Variants in METTL4 observed in about 807,000 individuals in gnomAD.
METTL4 encodes N(6)-adenine-specific methyltransferase METTL4.
Under a neutral mutation model 54.0 loss-of-function variants are expected in METTL4, and 40 were observed. The observed-to-expected ratio is 0.74, with a 90% CI of 0.58 to 0.96. The LOEUF is 0.96. Ranked by LOEUF, METTL4 falls within the 50% of genes least tolerant of loss-of-function variation. The pLI, the probability that METTL4 is intolerant of heterozygous loss-of-function variation, is 0.00. For missense variants in METTL4, 525 were observed against 549.0 expected (o/e 0.96, Z 0.44); for synonymous variants, 169 against 183.8 (o/e 0.92, Z 0.65).
At chr18:2,561,882 T>C (rs1311811880) in intron 3 of METTL4, 3 of 152,202 alleles carry the variant, frequency 2.0e-5, no homozygotes, top group Non-Finnish European at 4.4e-5. Flanking sequence ...ATTTTCCTGG[T>C]ATTTCTGCAG....
chr18:2,569,033 G>T, intron 1 of METTL4: 1 of 182,820 alleles, frequency 5.5e-6, no homozygotes, highest in South Asian at 1.2e-4. Flanking sequence ...TAGCATCAAA[G>T]TTGTCTTGGA....
intron 4 of METTL4, 86 bp downstream of exon 4, chr18:2,554,583 C>T (rs966635087): frequency 8.2e-7 from 1 of 1,215,896 alleles, no homozygotes; most frequent in African/African-American, 1.5e-5. Flanking sequence ...AAATGCTGAC[C>T]CATCTTCAAA....
rs567251949 is a variant in METTL4, at chr18:2,563,508, T to C, written c.459+289A>G. Reference sequence around the variant, plus strand: ...ACTCAGAGGAGGCCAAGGCATGAGATTGCTTGAACCCAGGAGGCAGAGGCT... The same window carrying C: ...ACTCAGAGGAGGCCAAGGCATGAGACTGCTTGAACCCAGGAGGCAGAGGCT... On this transcript the variant is annotated intron_variant, in intron 3 of 8. Coordinates refer to ENST00000574538, the MANE Select transcript of METTL4 (RefSeq NM_022840.5). 1.1e-3 allele frequency among the ~76,000 whole-genome samples: 163 copies of C among 150,196 alleles called. 1 individual carries two copies. Among genetic ancestry groups the C allele is most frequent in the Non-Finnish European group, 1.8e-3 (123 of 67,712 alleles).
chr18:2,544,404 A>G, intron 7 of METTL4, 118 bp from the exon 8 acceptor site: 2 of 725,294 alleles, frequency 2.8e-6, no homozygotes, highest in East Asian at 2.8e-5. Context: ...AAATTTTACA[A>G]TCAATGAAAG....
At chr18:2,542,079 G>A (rs72857010) in intron 8 of METTL4, among the ~76,000 whole-genome samples, 1 of 152,086 alleles carries the variant, frequency 6.6e-6, no homozygotes, top group Non-Finnish European at 1.5e-5. Context: ...GTTTCCTCCA[G>A]AATCTAACTT....
intron 5 of METTL4, among the ~76,000 whole-genome samples, chr18:2,551,974 C>G (rs1310654736): frequency 1.3e-5 from 2 of 152,102 alleles, no homozygotes; most frequent in East Asian, 3.9e-4. Context: ...GCAGACAGAT[C>G]ATGAGGTCAG....
At chr18:2,551,046 C>A (rs1272383077) in intron 5 of METTL4, among the ~76,000 whole-genome samples, 1 of 151,012 alleles carries the variant, frequency 6.6e-6, no homozygotes, top group Non-Finnish European at 1.5e-5. Flanking sequence ...CGCCTGTAGT[C>A]CCAGCTACTC....
At chr18:2,564,484 T>A (rs540434302) in intron 2 of METTL4, among the ~76,000 whole-genome samples, 1 of 152,244 alleles carries the variant, frequency 6.6e-6, no homozygotes, top group Admixed American at 6.5e-5. Flanking sequence ...CCTTTATTTC[T>A]GAGAAGAGAA....
At chr18:2,553,324 A>G (rs540963078) in intron 4 of METTL4, 1 of 152,280 alleles carries the variant, frequency 6.6e-6, no homozygotes, top group Admixed American at 6.5e-5. Context: ...AAAGGCTACC[A>G]ATTATTTTAT....
chr18:2,556,303 GA>G (rs34077307), intron 3 of METTL4, among the ~76,000 whole-genome samples: 15,497 of 147,050 alleles, frequency 0.11, 1,085 homozygotes, highest in Non-Finnish European at 0.14. Context: ...CGGCAATTGG[GA>G]AAAAAAAAAA....
Position 2,553,024 on chromosome 18 carries a change from A to G in METTL4, c.830-260T>C, listed in dbSNP as rs1413619027. ...TATCTGCAGATGACTACAGCTCAGT[A>G]AGCTGAACACTAATGATCTGTGAAT... On this transcript the variant is annotated intron_variant, in intron 4 of 8. Coordinates refer to ENST00000574538, the MANE Select transcript of METTL4 (RefSeq NM_022840.5). 3.1e-5 allele frequency: 11 copies of G among 353,830 alleles called. No individual in the cohort carries two copies. In the East Asian group the frequency reaches 6.0e-4, roughly 19 times the overall value. 21.9% of individuals were successfully genotyped at this position (353,830 alleles called of 1,614,324 possible). A position where few individuals can be genotyped will look rare whatever the true frequency, so the allele number is the denominator to read the frequency against.
At chr18:2,564,503 G>C (rs2072373408) in intron 2 of METTL4, among the ~76,000 whole-genome samples, 1 of 150,802 alleles carries the variant, frequency 6.6e-6, no homozygotes. Flanking sequence ...AAACTAGCCA[G>C]GTGCTATCAT....
chr18:2,560,941 T>G (rs2072308146), intron 3 of METTL4, among the ~76,000 whole-genome samples: 1 of 152,084 alleles, frequency 6.6e-6, no homozygotes, highest in Non-Finnish European at 1.5e-5. Flanking sequence ...GAATATATTC[T>G]GCAAATGCAA....
intron 2 of METTL4, among the ~76,000 whole-genome samples, chr18:2,564,982 A>C (rs2072381880): frequency 6.6e-6 from 1 of 152,168 alleles, no homozygotes; most frequent in Admixed American, 6.5e-5. Context: ...ATGATCAATA[A>C]ATATTTGATG....
intron 1 of METTL4, among the ~76,000 whole-genome samples, 165 bp from the exon 2 acceptor site, chr18:2,567,819 A>G (rs1279579364): frequency 6.6e-6 from 1 of 152,224 alleles, no homozygotes; most frequent in African/African-American, 2.4e-5. Context: ...CTCCAGTATC[A>G]TCTTCCCTAC....
intron 3 of METTL4, among the ~76,000 whole-genome samples, chr18:2,558,336 G>A (rs1445494932): frequency 6.6e-6 from 1 of 152,034 alleles, no homozygotes; most frequent in Non-Finnish European, 1.5e-5. Flanking sequence ...TCATTACCTG[G>A]AAATGAAATA....
chr18:2,566,421 T>A (rs1413923794), intron 2 of METTL4, among the ~76,000 whole-genome samples: 1 of 152,344 alleles, frequency 6.6e-6, no homozygotes, highest in Admixed American at 6.5e-5. Context: ...TACCACTTAC[T>A]GCTTAGAAAT....
At chr18:2,550,449 T>C (rs73376264) in intron 5 of METTL4, among the ~76,000 whole-genome samples, 11,542 of 152,204 alleles carry the variant, frequency 0.076, 800 homozygotes, top group African/African-American at 0.18. Flanking sequence ...TTGATAGCTC[T>C]TCAAAAATTT....
At chr18:2,552,973 T>C (rs1179812663) in intron 4 of METTL4, 6 of 493,024 alleles carry the variant, frequency 1.2e-5, no homozygotes, top group African/African-American at 2.0e-5. Context: ...TATCATAATG[T>C]TACCTATTGC....
Sources: gnomAD v4.1 joint callset for allele counts (sites outside exome capture counted in the v4.1 genomes callset) on GRCh38, gnomAD v4.1.1 for gene constraint, MANE v1.5 for transcripts, NCBI Gene and HGNC (gene_info 2026-07-23, HGNC 2026-07-21) for gene names.